Variants in SLC66A2 observed in about 807,000 individuals in gnomAD.
SLC66A2 encodes solute carrier family 66 member 2.
In SLC66A2, 23 loss-of-function variants were observed where a neutral mutation model predicts 25.5. The ratio of observed to expected loss-of-function variants is 0.90; its 90% CI spans 0.65 to 1.28. SLC66A2 has a LOEUF of 1.28. SLC66A2 is among the 50% of genes most tolerant of loss of function. SLC66A2 has a pLI of 0.00. For missense variants in SLC66A2, 396 were observed against 373.1 expected (o/e 1.06, Z -0.51); for synonymous variants, 193 against 166.5 (o/e 1.16, Z -1.23).
chr18:79,943,200 G>A (rs1339414094), intron 3 of SLC66A2, 129 bp downstream of exon 3: 4 of 1,122,500 alleles, frequency 3.6e-6, no homozygotes, highest in Non-Finnish European at 3.8e-6. Flanking sequence ...ACTATCAGCT[G>A]GAGATAACAG....
In SLC66A2 at chr18:79,943,194, T is replaced by A. The variant is rs1312743548; in HGVS notation, c.337+135A>T. 3 of 1,058,728 alleles carry A rather than the reference T, an allele frequency of 2.8e-6. No individual in the cohort carries two copies. In the African/African-American group the frequency reaches 4.8e-5, roughly 17 times the overall value. 65.6% of individuals were successfully genotyped at this position (1,058,728 alleles called of 1,614,324 possible). On this transcript the variant is annotated intron_variant, in intron 3 of 5. Coordinates refer to ENST00000397778, the MANE Select transcript of SLC66A2 (RefSeq NM_025078.5). ...GTCATTTAACATACTGAAAACACTA[T>A]CAGCTGGAGATAACAGCACCACTTG... is the stretch of plus-strand genomic sequence containing the variant.
At chr18:79,921,992 G>C (rs577244886) in intron 4 of SLC66A2, among the ~76,000 whole-genome samples, 1 of 152,064 alleles carries the variant, frequency 6.6e-6, no homozygotes, top group African/African-American at 2.4e-5. Flanking sequence ...AGAGGGCAGG[G>C]TCAGAGGAGG....
At position 79,939,257 on chromosome 18, in the gene SLC66A2, A is replaced by AT. The variant is rs148168596; in HGVS notation, c.337+4071dup. Among the ~76,000 whole-genome samples, 874 of 152,298 alleles carry AT rather than the reference A, an allele frequency of 5.7e-3. 5 individuals carry two copies. The highest frequency in any genetic ancestry group is 0.02 in the Middle Eastern group (6 of 294). On this transcript the variant is annotated intron_variant, in intron 3 of 5. Transcript: ENST00000397778. ...AATGCAGCTATTCAAACGTTTCCTC[A>AT]TAAGTTATTTTCATGTCCTCATCGG...
In SLC66A2 at chr18:79,904,952, C is replaced by G. The variant is rs1981857246; in HGVS notation, c.609-769G>C. On this transcript the variant is annotated intron_variant, in intron 5 of 5. Coordinates refer to ENST00000397778, the MANE Select transcript of SLC66A2 (RefSeq NM_025078.5). This position sits in a 1 kb window ranked among gnomAD's most constrained non-coding sequence, Gnocchi z 6.3. ...CTGCCTGGACAGAAAGGACAGGACA[C>G]AGCCCTCCCCCACCCTGGGGCGTCC... 6.6e-6 allele frequency among the ~76,000 whole-genome samples: 1 copy of G among 152,198 alleles called. No homozygotes were observed. Among genetic ancestry groups the G allele is most frequent in the Non-Finnish European group, 1.5e-5 (1 of 68,022 alleles).
rs1168461534 is a variant in SLC66A2, at chr18:79,940,036, A to G, written c.337+3293T>C. ...CAAATGTGGTACGTATACACCACGG[A>G]ACACTATGCAGCCATAAAAGAGAAC... On this transcript the variant is annotated intron_variant, in intron 3 of 5. Transcript: ENST00000397778. This position sits in a 1 kb window ranked among gnomAD's most constrained non-coding sequence, Gnocchi z 4.1. Among the ~76,000 whole-genome samples the G allele has an allele frequency of 6.6e-6, 1 of 152,220 alleles. No individual in the cohort carries two copies. The highest frequency in any genetic ancestry group is 1.5e-5 in the Non-Finnish European group (1 of 68,050).
chr18:79,910,717 GCTGA>G (rs1982985479), intron 5 of SLC66A2, among the ~76,000 whole-genome samples: 1 of 152,256 alleles, frequency 6.6e-6, no homozygotes, highest in African/African-American at 2.4e-5. Flanking sequence ...CGGAGAATCT[GCTGA>G]CTGTGTCTAT....
In SLC66A2 at chr18:79,943,349, G is replaced by C. The variant is rs767534778; in HGVS notation, c.317C>G (p.Ala106Gly). 3.7e-6 allele frequency: 6 copies of C among 1,614,164 alleles called. 1 individual carries two copies. The South Asian group carries it at 6.6e-5, about 18-fold the overall frequency. Reference protein sequence around the residue: ...TEVRVANELNARRRSFTAADS... With the variant: ...TEVRVANELNGRRRSFTAADS... Reference sequence around the variant, plus strand: ...CCAACCTGTAAAGGAGCGGCGCCTGGCGTTGAGCTCGTTGGCCACACGGAC... The same window carrying C: ...CCAACCTGTAAAGGAGCGGCGCCTGCCGTTGAGCTCGTTGGCCACACGGAC... Residue 106 changes from alanine (A) to glycine (G), a missense_variant, in exon 3 of 6, where the codon GCC becomes GGC. By Grantham distance (60) the Ala-to-Gly change is moderately conservative. Coordinates refer to ENST00000397778, the MANE Select transcript of SLC66A2 (RefSeq NM_025078.5).
At chr18:79,931,122 T>C (rs1258493070) in intron 4 of SLC66A2, among the ~76,000 whole-genome samples, 1 of 152,138 alleles carries the variant, frequency 6.6e-6, no homozygotes, top group Admixed American at 6.5e-5. Flanking sequence ...AATATTTACT[T>C]AATACAAAAG....
intron 2 of SLC66A2, chr18:79,947,282 T>C (rs1488499425): frequency 6.6e-6 from 1 of 152,228 alleles, no homozygotes; most frequent in African/African-American, 2.4e-5. Context: ...AAATCCTGAA[T>C]GTTGGCATTC....
rs145964219 is a variant in SLC66A2, at chr18:79,950,821, G to A, written c.106C>T (p.Gln36Ter). ...TGCGTCCTGCGAATGTCCCGATACT[G>A]CGGGACGTAGGGCACCACCCCTCCG... ...VFGGVVPYVP[Q>*]YRDIRRTQNA... The change falls in exon 2 of 6, where the codon CAG becomes TAG. Residue 36 changes from glutamine (Q) to a stop codon, truncating the protein, a stop_gained. Transcript: ENST00000397778. LOFTEE classifies it high-confidence loss of function. The A allele has an allele frequency of 6.8e-5, 109 of 1,612,674 alleles. No homozygotes were observed. Among genetic ancestry groups the A allele is most frequent in the Non-Finnish European group, 9.0e-5 (106 of 1,179,864 alleles).
chr18:79,950,862 G>GCCGCGC lies in SLC66A2; in HGVS notation c.59_64dup (p.Gly20_Ala21dup). Reference sequence around the variant, plus strand: ...CACCCCTCCGAAGACCATGGCCGCGGCCGCGCCCCAGGACACCAGCTGGTG... The same window carrying GCCGCGC: ...CACCCCTCCGAAGACCATGGCCGCGGCCGCGCCCGCGCCCCAGGACACCAGCTGGTG... On this transcript the variant is annotated inframe_insertion, in exon 2 of 6. Coordinates refer to ENST00000397778, the MANE Select transcript of SLC66A2 (RefSeq NM_025078.5). 6.2e-7 allele frequency: 1 copy of GCCGCGC among 1,608,860 alleles called. No homozygotes were observed. The highest frequency in any genetic ancestry group is 8.5e-7 in the Non-Finnish European group (1 of 1,178,388).
At position 79,917,691 on chromosome 18, in the gene SLC66A2, A is replaced by G. The variant is rs1314334974; in HGVS notation, c.608+1493T>C. 2.6e-5 allele frequency among the ~76,000 whole-genome samples: 4 copies of G among 151,550 alleles called. No homozygotes were observed. The highest frequency in any genetic ancestry group is 2.6e-4 in the Admixed American group (4 of 15,206). On this transcript the variant is annotated intron_variant, in intron 5 of 5. Coordinates refer to ENST00000397778, the MANE Select transcript of SLC66A2 (RefSeq NM_025078.5). The surrounding 1 kb of genome is among the most constrained non-coding windows in gnomAD (Gnocchi z 6.0). ...AAGCCCTCAGGGCTGCCACTGCCCA[A>G]CCCAACAGTGAGGGAGCCTGTTCCA...
chr18:79,936,077 C>T (rs1365683256), intron 3 of SLC66A2, among the ~76,000 whole-genome samples: 1 of 152,264 alleles, frequency 6.6e-6, no homozygotes, highest in Non-Finnish European at 1.5e-5. Flanking sequence ...CAGAGGCCAT[C>T]ACCTGCTTCC....
intron 4 of SLC66A2, among the ~76,000 whole-genome samples, chr18:79,928,535 C>A (rs1408048242): frequency 6.6e-6 from 1 of 152,156 alleles, no homozygotes; most frequent in Non-Finnish European, 1.5e-5. Context: ...CAAACAGCAC[C>A]CACTTAAAGT....
rs117280628 is a variant in SLC66A2 at position 79,912,361 on chromosome 18, G to A, written c.608+6823C>T. ...GTCCCTCAGCTGAAGAACGAAGAAC[G>A]AAGAGCAAACGTGGCAAATCTATGG... is the stretch of plus-strand genomic sequence containing the variant. On this transcript the variant is annotated intron_variant, in intron 5 of 5. Transcript: ENST00000397778. Among the ~76,000 whole-genome samples the A allele has an allele frequency of 9.9e-3, 1,510 of 152,152 alleles. 7 individuals carry two copies. Among genetic ancestry groups the A allele is most frequent in the Middle Eastern group, 0.024 (7 of 294 alleles).
At chr18:79,915,302 CCCCCAGGGCCCG>C (rs1157875341) in intron 5 of SLC66A2, 2 of 152,426 alleles carry the variant, frequency 1.3e-5, no homozygotes, top group African/African-American at 4.8e-5. Flanking sequence ...CCTCCGCATC[CCCCCAGGGCCCG>C]CCCTGTCCCC....
Position 79,950,774 on chromosome 18 carries a change from G to A in SLC66A2, c.153C>T (p.Thr51=). The A allele has an allele frequency of 6.2e-7, 1 of 1,613,274 alleles. No homozygotes were observed. The highest frequency in any genetic ancestry group is 8.5e-7 in the Non-Finnish European group (1 of 1,179,998). The change falls in exon 2 of 6, where the codon ACC becomes ACT. Residue 51 remains threonine (T), a synonymous_variant. Coordinates refer to ENST00000397778, the MANE Select transcript of SLC66A2 (RefSeq NM_025078.5). ...CCACCAGCAGCACCAGGCACACGTA[G>A]GTGGAGAAGCCGTCGGCGTTCTGCG... ...RRTQNADGFS[T]YVCLVLLVAN...
At chr18:79,934,767 G>A (rs938249333) in intron 3 of SLC66A2, among the ~76,000 whole-genome samples, 1 of 152,216 alleles carries the variant, frequency 6.6e-6, no homozygotes, top group African/African-American at 2.4e-5. Flanking sequence ...AATAAGTCCT[G>A]GGATCAGAAA....
intron 4 of SLC66A2, chr18:79,930,105 C>G (rs1159331766): frequency 4.6e-5 from 7 of 152,012 alleles, no homozygotes; most frequent in Non-Finnish European, 1.0e-4. Flanking sequence ...ACCCAAGAAG[C>G]TCAACAAATT....
Sources: allele counts gnomAD v4.1 joint callset (sites outside exome capture counted in the v4.1 genomes callset), GRCh38; gene constraint gnomAD v4.1.1; non-coding constraint Gnocchi (gnomAD v3.1); transcripts MANE v1.5; gene names NCBI Gene and HGNC (gene_info 2026-07-23, HGNC 2026-07-21).